Variants in FGGY observed in about 807,000 individuals in gnomAD.
FGGY encodes the protein FGGY carbohydrate kinase domain containing.
In FGGY, 72 loss-of-function variants were observed where a neutral mutation model predicts 71.3. That is an observed-to-expected ratio of 1.01 (90% CI 0.84 to 1.23). FGGY has a LOEUF of 1.23. Ranked by LOEUF, FGGY falls within the 50% of genes most tolerant of loss-of-function variation. FGGY has a pLI of 0.00. For missense variants in FGGY, 668 were observed against 682.3 expected, an observed-to-expected ratio of 0.98 and a Z score of 0.23; for synonymous variants, 251 against 250.3, an observed-to-expected ratio of 1.00 and a Z score of -0.02.
chr1:59,677,841 CCTT>C (rs1418361724), intron 14 of FGGY, among the ~76,000 whole-genome samples: 4 of 152,154 alleles, frequency 2.6e-5, no homozygotes, highest in African/African-American at 7.2e-5. Context: ...TTCAGATTCT[CCTT>C]CTCTTAGTTT....
intron 5 of FGGY, among the ~76,000 whole-genome samples, chr1:59,396,810 C>T (rs1557791040): frequency 6.6e-6 from 1 of 152,240 alleles, no homozygotes; most frequent in Middle Eastern, 3.4e-3. Context: ...ATGATGAGCA[C>T]TCAATTCATG....
At chr1:59,739,584 C>T (rs1024692860) in intron 14 of FGGY, among the ~76,000 whole-genome samples, 3 of 152,156 alleles carry the variant, frequency 2.0e-5, no homozygotes, top group Non-Finnish European at 2.9e-5. Flanking sequence ...ATAACCCTAC[C>T]ACTAACTAAA....
intron 11 of FGGY, among the ~76,000 whole-genome samples, chr1:59,646,105 G>A (rs1419949482): frequency 6.6e-6 from 1 of 152,208 alleles, no homozygotes; most frequent in Non-Finnish European, 1.5e-5. Flanking sequence ...TGTGGAAGGA[G>A]TCAGCAACTC....
chr1:59,584,770 C>T (rs2096254913), intron 8 of FGGY, among the ~76,000 whole-genome samples: 1 of 149,748 alleles, frequency 6.7e-6, no homozygotes, highest in Admixed American at 6.6e-5. Context: ...TCTAGAAAAC[C>T]CCATCATCTC....
chr1:59,452,075 C>A (rs952620413), intron 5 of FGGY, among the ~76,000 whole-genome samples: 1 of 148,314 alleles, frequency 6.7e-6, no homozygotes, highest in Non-Finnish European at 1.5e-5. Flanking sequence ...CTCATTTGTT[C>A]TTTTCTTTTT....
chr1:59,550,804 G>T (rs764998322), intron 7 of FGGY, among the ~76,000 whole-genome samples: 1 of 152,152 alleles, frequency 6.6e-6, no homozygotes, highest in Non-Finnish European at 1.5e-5. Flanking sequence ...ATAAAGTGAG[G>T]AGTATAGAAA....
chr1:59,536,350 C>CA (rs969508048), intron 7 of FGGY, among the ~76,000 whole-genome samples: 6 of 152,108 alleles, frequency 3.9e-5, no homozygotes, highest in African/African-American at 9.6e-5. Flanking sequence ...GCTTACCAAC[C>CA]AAAAAAAGTC....
At chr1:59,531,974 T>C (rs897428739) in intron 7 of FGGY, among the ~76,000 whole-genome samples, 2 of 152,220 alleles carry the variant, frequency 1.3e-5, no homozygotes, top group African/African-American at 2.4e-5. Context: ...AGGTTTCATA[T>C]GTAATGTCTG....
At chr1:59,343,313 C>A (rs1570679845) in intron 3 of FGGY, among the ~76,000 whole-genome samples, 1 of 152,290 alleles carries the variant, frequency 6.6e-6, no homozygotes, top group East Asian at 1.9e-4. Context: ...ACCTCCAATT[C>A]TCTTAAACGA....
At chr1:59,401,987 A>C (rs1481579591) in intron 5 of FGGY, among the ~76,000 whole-genome samples, 7 of 152,226 alleles carry the variant, frequency 4.6e-5, no homozygotes, top group African/African-American at 1.7e-4. Context: ...TGTCTTGGGC[A>C]TACTATTCAG....
chr1:59,355,860 T>C (rs910039124), intron 4 of FGGY, among the ~76,000 whole-genome samples: 1 of 152,086 alleles, frequency 6.6e-6, no homozygotes, highest in African/African-American at 2.4e-5. Flanking sequence ...GGCTACAGGC[T>C]GGCAGACCAC....
At chr1:59,707,837 A>G (rs1172101449) in intron 14 of FGGY, among the ~76,000 whole-genome samples, 7 of 152,208 alleles carry the variant, frequency 4.6e-5, no homozygotes, top group Non-Finnish European at 2.9e-5. Context: ...TGGACTTCAT[A>G]CAAAGCAGGC....
At chr1:59,511,581 A>G (rs113767153) in intron 6 of FGGY, among the ~76,000 whole-genome samples, 5 of 152,252 alleles carry the variant, frequency 3.3e-5, no homozygotes, top group African/African-American at 1.2e-4. Context: ...ACTGCTTTTC[A>G]CAGCCCCACA....
At chr1:59,538,930 G>A (rs1489407016) in intron 7 of FGGY, among the ~76,000 whole-genome samples, 1 of 151,712 alleles carries the variant, frequency 6.6e-6, no homozygotes, top group Non-Finnish European at 1.5e-5. Flanking sequence ...CACCAACATG[G>A]CACGTATATG....
At chr1:59,422,220 A>G (rs2065561298) in intron 5 of FGGY, among the ~76,000 whole-genome samples, 1 of 152,136 alleles carries the variant, frequency 6.6e-6, no homozygotes, top group African/African-American at 2.4e-5. Flanking sequence ...AATATCTGTA[A>G]TTTTATCAGG....
intron 14 of FGGY, among the ~76,000 whole-genome samples, chr1:59,694,543 G>T (rs1209408255): frequency 6.6e-6 from 1 of 152,120 alleles, no homozygotes; most frequent in Admixed American, 6.5e-5. Context: ...CCAGGACAAA[G>T]AATTGGTAGA....
rs1030140739 is a variant in FGGY at position 59,413,249 on chromosome 1, C to G, written c.554+34412C>G. On this transcript the variant is annotated intron_variant, in intron 5 of 15. Transcript: ENST00000303721. Reference sequence around the variant, plus strand: ...CAGTGTACGCCTTAGAATTGTTCACCTGCATCTCTCCTTCTTGGACTAGGA... The same window carrying G: ...CAGTGTACGCCTTAGAATTGTTCACGTGCATCTCTCCTTCTTGGACTAGGA... 2.0e-5 allele frequency among the ~76,000 whole-genome samples: 3 copies of G among 152,184 alleles called. No individual in the cohort carries two copies. The East Asian group carries it at 5.8e-4, about 29-fold the overall frequency.
chr1:59,560,891 A>T (rs1329310027), intron 8 of FGGY, among the ~76,000 whole-genome samples: 3 of 152,116 alleles, frequency 2.0e-5, no homozygotes, highest in Admixed American at 6.5e-5. Flanking sequence ...CCCCGCCCCC[A>T]CTGAGACACT....
intron 11 of FGGY, 122 bp from the exon 12 acceptor site, chr1:59,660,097 G>A (rs2097260362): frequency 1.2e-6 from 1 of 801,432 alleles, no homozygotes; most frequent in Non-Finnish European, 2.0e-6. Context: ...TCACAAAAAG[G>A]GGATTTGCAT....
Sources: allele counts gnomAD v4.1 joint callset (sites outside exome capture counted in the v4.1 genomes callset), GRCh38; gene constraint gnomAD v4.1.1; transcripts MANE v1.5; gene names NCBI Gene and HGNC (gene_info 2026-07-23, HGNC 2026-07-21).